The following TIAM1 variants were observed in gnomAD, a reference collection of about 807,000 sequenced individuals.
The protein encoded by TIAM1 is rho guanine nucleotide exchange factor TIAM1.
A neutral mutation model predicts 163.5 loss-of-function variants in TIAM1; 65 were observed. That is an observed-to-expected ratio of 0.40 (90% confidence interval 0.33 to 0.49). The LOEUF (loss-of-function observed/expected upper bound fraction) is 0.49, where lower values mean the gene tolerates loss of function less well. TIAM1 is among the 20% of genes least tolerant of loss of function. TIAM1 has a pLI of 0.77. For missense variants in TIAM1, 1,789 were observed against 2,044.7 expected, an observed-to-expected ratio of 0.87 and a Z score of 2.41; for synonymous variants, 833 against 810.1, an observed-to-expected ratio of 1.03 and a Z score of -0.48.
intron 15 of TIAM1, among the ~76,000 whole-genome samples, chr21:31,173,944 C>A (rs887348142): frequency 6.6e-6 from 1 of 152,182 alleles, no homozygotes; most frequent in Non-Finnish European, 1.5e-5. Flanking sequence ...TAGCAGGGCC[C>A]ACGCAGGCAG....
rs943010109 is a variant in TIAM1 at position 31,429,223 on chromosome 21, A to G, written c.-369+34760T>C. Among the ~76,000 whole-genome samples, 4 of 152,166 alleles carry G rather than the reference A, an allele frequency of 2.6e-5. No individual in the cohort carries two copies. The East Asian group carries it at 7.8e-4, about 30-fold the overall frequency. The stretch of plus-strand genomic sequence containing the variant: ...CATTATGTTGCCGAGCCTGGTCTCG[A>G]ACTCCTGGGCTCAAGTGATCCGCCT... On this transcript the variant is annotated intron_variant, in intron 2 of 28. Transcript: ENST00000286827.
intron 1 of TIAM1, among the ~76,000 whole-genome samples, chr21:31,515,069 G>C (rs1304811825): frequency 6.6e-6 from 1 of 152,200 alleles, no homozygotes; most frequent in Non-Finnish European, 1.5e-5. Flanking sequence ...TTGTGGATTT[G>C]ACTACACTTT....
chr21:31,516,325 T>C (rs1011400188), intron 1 of TIAM1, among the ~76,000 whole-genome samples: 2 of 152,020 alleles, frequency 1.3e-5, no homozygotes, highest in Admixed American at 6.6e-5. Flanking sequence ...GGCAGGAGAA[T>C]TGTTTGAACC....
intron 1 of TIAM1, among the ~76,000 whole-genome samples, chr21:31,541,677 T>G (rs2048327724): frequency 6.6e-6 from 1 of 152,144 alleles, no homozygotes. Flanking sequence ...AATACAAAGC[T>G]GTATCTATTT....
At chr21:31,298,978 C>T (rs2074401426) in intron 2 of TIAM1, among the ~76,000 whole-genome samples, 3 of 152,034 alleles carry the variant, frequency 2.0e-5, no homozygotes, top group Non-Finnish European at 2.9e-5. Context: ...AGGAGGGAGG[C>T]GTAGGGCGAA....
intron 13 of TIAM1, among the ~76,000 whole-genome samples, chr21:31,191,325 T>A (rs903562074): frequency 1.3e-5 from 2 of 152,056 alleles, no homozygotes; most frequent in Non-Finnish European, 2.9e-5. Flanking sequence ...CCGTCTAATT[T>A]TTTTATCTTT....
At chr21:31,335,969 G>A (rs2075825315) in intron 2 of TIAM1, among the ~76,000 whole-genome samples, 2 of 152,162 alleles carry the variant, frequency 1.3e-5, no homozygotes, top group South Asian at 4.1e-4. Flanking sequence ...GGGGCTGTGA[G>A]GTGCAATCAT....
chr21:31,301,605 A>G (rs1459718741), intron 2 of TIAM1, among the ~76,000 whole-genome samples: 1 of 152,186 alleles, frequency 6.6e-6, no homozygotes, highest in African/African-American at 2.4e-5. Context: ...TTTGGGAGGC[A>G]GAAGAGAGTG....
intron 2 of TIAM1, among the ~76,000 whole-genome samples, chr21:31,312,672 G>A (rs2074975484): frequency 6.6e-6 from 1 of 152,110 alleles, no homozygotes; most frequent in African/African-American, 2.4e-5. Flanking sequence ...TTTACAATGA[G>A]CAAACTGAGG....
chr21:31,362,627 C>T (rs755290479), intron 2 of TIAM1, among the ~76,000 whole-genome samples: 12 of 151,766 alleles, frequency 7.9e-5, no homozygotes, highest in African/African-American at 1.9e-4. Context: ...CTACCACACC[C>T]GGCTAATTTT....
At chr21:31,239,254 C>G (rs1234324897) in intron 6 of TIAM1, among the ~76,000 whole-genome samples, 1 of 152,106 alleles carries the variant, frequency 6.6e-6, no homozygotes, top group African/African-American at 2.4e-5. Flanking sequence ...TCTCAACTAG[C>G]TGGGACTACA....
chr21:31,193,119 C>T (rs991222209), intron 13 of TIAM1, among the ~76,000 whole-genome samples: 6 of 152,184 alleles, frequency 3.9e-5, no homozygotes, highest in Non-Finnish European at 5.9e-5. Flanking sequence ...GAAGACTGGT[C>T]TTAAACATAT....
At chr21:31,275,141 AG>A (rs2073241099) in intron 3 of TIAM1, among the ~76,000 whole-genome samples, 1 of 151,806 alleles carries the variant, frequency 6.6e-6, no homozygotes, top group Non-Finnish European at 1.5e-5. Context: ...AAAAAAAAAA[AG>A]AATATTAATA....
chr21:31,400,716 C>G (rs1431974754), intron 2 of TIAM1, among the ~76,000 whole-genome samples: 1 of 152,180 alleles, frequency 6.6e-6, no homozygotes, highest in Non-Finnish European at 1.5e-5. Flanking sequence ...TTGCCCAGTC[C>G]TCTTCTCTGT....
At chr21:31,181,753 CTTCTTTTTTTTTTTTTTTTTTTTTTTT>C (rs2085029599) in intron 15 of TIAM1, among the ~76,000 whole-genome samples, 4 of 39,440 alleles carry the variant, frequency 1.0e-4, no homozygotes, top group African/African-American at 3.1e-4. Context: ...TCTTCTTCTT[CTTCTTTTTTTTTTTTTTTTTTTTTTTT>C]TTTTTTTTTT....
rs2084140298 is a variant in TIAM1 at position 31,165,057 on chromosome 21, G to T, written c.2896C>A (p.Leu966Ile). ...AFLTSNPGHS[L>I]CSEQGSSAET... Reference sequence around the variant, plus strand: ...GCACTGCTGCCCTGCTCGCTGCAAAGGCTGTGCCCTGTCAGATGAAATCAG... The same window carrying T: ...GCACTGCTGCCCTGCTCGCTGCAAATGCTGTGCCCTGTCAGATGAAATCAG... The change falls in exon 16 of 28, where the codon CTT becomes ATT. Residue 966 changes from leucine to isoleucine, a missense_variant. Coordinates refer to ENST00000541036, the MANE Select transcript of TIAM1 (RefSeq NM_001353694.2). 2 of 1,613,910 alleles carry T rather than the reference G, an allele frequency of 1.2e-6. No individual in the cohort carries two copies. The highest frequency in any genetic ancestry group is 1.7e-6 in the Non-Finnish European group (2 of 1,180,026).
intron 5 of TIAM1, among the ~76,000 whole-genome samples, chr21:31,250,274 C>A (rs376613408): frequency 6.6e-6 from 1 of 151,938 alleles, no homozygotes; most frequent in South Asian, 2.1e-4. Flanking sequence ...AGCCTTAAAT[C>A]ATCTATTTTT....
intron 10 of TIAM1, 93 bp from the exon 11 acceptor site, chr21:31,210,308 G>A: frequency 7.2e-7 from 1 of 1,385,320 alleles, no homozygotes; most frequent in Non-Finnish European, 1.0e-6. Flanking sequence ...CGATTCCCAT[G>A]AAAACAGCCC....
rs762201765 is a variant in TIAM1 at position 31,266,688 on chromosome 21, G to T, written c.285C>A (p.Asp95Glu). Reference sequence around the variant, plus strand: ...TGTAAGACACAGGTCTCAAGCCCATGTCCACTCGGTCCACCCAGATGGGGC... The same window carrying T: ...TGTAAGACACAGGTCTCAAGCCCATTTCCACTCGGTCCACCCAGATGGGGC... ...FGSPIWVDRVDMGLRPVSYTD... is the reference protein window; with the variant it reads ...FGSPIWVDRVEMGLRPVSYTD... Residue 95 changes from aspartate (D) to glutamate (E), a missense_variant, in exon 4 of 28, where the codon GAC (aspartate) becomes GAA (glutamate). Physicochemically the swap from Asp to Glu is conservative, Grantham distance 45. This residue lies in a region of TIAM1 where 555 missense variants were observed against 564.9 expected (regional missense o/e 0.98). Coordinates refer to ENST00000541036, the MANE Select transcript of TIAM1 (RefSeq NM_001353694.2). 5 of 1,614,220 alleles carry T rather than the reference G, an allele frequency of 3.1e-6. No individual in the cohort carries two copies. The Admixed American group carries it at 6.7e-5, about 22-fold the overall frequency.
Sources: allele counts gnomAD v4.1 joint callset (sites outside exome capture counted in the v4.1 genomes callset), GRCh38; gene constraint gnomAD v4.1.1; regional missense constraint gnomAD v4.1.1; transcripts MANE v1.5; gene names NCBI Gene and HGNC (gene_info 2026-07-23, HGNC 2026-07-21).